PDE2A: variants seen among roughly 807,000 people sequenced by gnomAD.
The protein encoded by PDE2A is phosphodiesterase 2A.
In PDE2A, 53 loss-of-function variants were observed where a neutral mutation model predicts 133.6. The observed-to-expected ratio is 0.40, with a 90% CI of 0.32 to 0.50. PDE2A has a LOEUF of 0.50. Ranked by LOEUF, PDE2A falls within the 20% of genes least tolerant of loss-of-function variation. PDE2A has a pLI of 0.73. For missense variants in PDE2A, 796 were observed against 1,232.4 expected, an observed-to-expected ratio of 0.65 and a Z score of 5.30; for synonymous variants, 491 against 490.2, an observed-to-expected ratio of 1.00 and a Z score of -0.02.
chr11:72,640,016 C>A (rs980759066), intron 2 of PDE2A, among the ~76,000 whole-genome samples: 1 of 152,070 alleles, frequency 6.6e-6, no homozygotes, highest in South Asian at 2.1e-4. Context: ...GTCCTCAACA[C>A]CCCCAACACA....
chr11:72,608,145 C>T (rs2135359355), intron 3 of PDE2A, among the ~76,000 whole-genome samples: 1 of 152,250 alleles, frequency 6.6e-6, no homozygotes, highest in East Asian at 1.9e-4. Context: ...TGGGATGGGA[C>T]AGAAAGAAAG....
chr11:72,662,776 C>T (rs964021006), intron 1 of PDE2A, among the ~76,000 whole-genome samples: 9 of 152,194 alleles, frequency 5.9e-5, no homozygotes, highest in African/African-American at 2.2e-4. Flanking sequence ...AACCGCAATA[C>T]TGCCTCTCAC....
intron 1 of PDE2A, among the ~76,000 whole-genome samples, chr11:72,654,009 A>G (rs531369867): frequency 7.9e-5 from 12 of 152,324 alleles, no homozygotes; most frequent in Non-Finnish European, 2.9e-5. Context: ...CTAGTTGCCC[A>G]TGGGGGCTCA....
intron 3 of PDE2A, among the ~76,000 whole-genome samples, chr11:72,607,847 C>A (rs1472940456): frequency 6.6e-6 from 1 of 152,182 alleles, no homozygotes; most frequent in Admixed American, 6.5e-5. Flanking sequence ...GCATCTCCTC[C>A]TCCAGGAAGT....
At chr11:72,639,419 T>G (rs954924826) in intron 2 of PDE2A, among the ~76,000 whole-genome samples, 1 of 152,162 alleles carries the variant, frequency 6.6e-6, no homozygotes, top group South Asian at 2.1e-4. Flanking sequence ...CCCGCTGACA[T>G]GAGCCAGGAA....
At chr11:72,636,074 T>C in intron 2 of PDE2A, 1 of 1,262,040 alleles carries the variant, frequency 7.9e-7, no homozygotes, top group Non-Finnish European at 1.0e-6. Flanking sequence ...GCCAACTCCC[T>C]TAGGGTGGGA....
At position 72,576,645 on chromosome 11, in the gene PDE2A, C is replaced by G. The variant is rs899558665; in HGVS notation, c.*739G>C. ...TGTCTTACCCGCTCCCTGTTTGGCCCAGACAGGGGAAGAGACTCGCCCAGC... is the reference window on the plus strand; with the variant it reads ...TGTCTTACCCGCTCCCTGTTTGGCCGAGACAGGGGAAGAGACTCGCCCAGC... On this transcript the variant is annotated 3_prime_UTR_variant, in exon 31 of 31. Transcript: ENST00000334456. The G allele has an allele frequency of 5.3e-5, 9 of 169,562 alleles. No individual in the cohort carries two copies. Among genetic ancestry groups the G allele is most frequent in the African/African-American group, 2.2e-4 (9 of 41,642 alleles). 10.5% of individuals were successfully genotyped at this position (169,562 alleles called of 1,614,324 possible). A position where few individuals can be genotyped will look rare whatever the true frequency, so the allele number is the denominator to read the frequency against.
chr11:72,588,686 G>A, intron 13 of PDE2A, 98 bp downstream of exon 13: 2 of 1,184,074 alleles, frequency 1.7e-6, no homozygotes, highest in Admixed American at 2.3e-5. Flanking sequence ...TGAGACAGTA[G>A]CCCCTGCCCA....
chr11:72,666,745 C>T (rs1855243197), intron 1 of PDE2A, among the ~76,000 whole-genome samples: 2 of 152,202 alleles, frequency 1.3e-5, no homozygotes, highest in African/African-American at 4.8e-5. Context: ...TGGCACTCTA[C>T]ATACATGTAC....
At chr11:72,654,933 C>T (rs1481146044) in intron 1 of PDE2A, among the ~76,000 whole-genome samples, 2 of 152,192 alleles carry the variant, frequency 1.3e-5, no homozygotes, top group African/African-American at 4.8e-5. Context: ...AGCACCCACC[C>T]GAGACCTGCC....
chr11:72,591,977 G>C (rs1385992321), intron 6 of PDE2A, among the ~76,000 whole-genome samples: 2 of 152,192 alleles, frequency 1.3e-5, no homozygotes, highest in Non-Finnish European at 2.9e-5. Context: ...AAGTGGCAGA[G>C]TGAAGACAGC....
At chr11:72,621,263 G>C (rs1377283235) in intron 2 of PDE2A, among the ~76,000 whole-genome samples, 2 of 152,162 alleles carry the variant, frequency 1.3e-5, no homozygotes, top group East Asian at 3.9e-4. Context: ...CTCGCATCTG[G>C]GCACAGACAC....
intron 4 of PDE2A, among the ~76,000 whole-genome samples, chr11:72,602,330 T>C (rs1856788874): frequency 3.3e-5 from 5 of 152,118 alleles, no homozygotes; most frequent in Admixed American, 3.3e-4. Flanking sequence ...ACCCTGTCTC[T>C]CCCCACACTG....
At position 72,597,825 on chromosome 11, in the gene PDE2A, C is replaced by A. The variant is rs1379225819; in HGVS notation, c.324-206G>T. On this transcript the variant is annotated intron_variant, in intron 4 of 30. Transcript: ENST00000334456. This position sits in a 1 kb window ranked among gnomAD's most constrained non-coding sequence, Gnocchi z 4.6. ...GGAGAAACAGGCAGCCACAGTTTGG[C>A]CTCTGGTGCCCCTTGCTGGTAAAGG... Among the ~76,000 whole-genome samples, 1 of 152,200 alleles carries A rather than the reference C, an allele frequency of 6.6e-6. No individual in the cohort carries two copies. The highest frequency in any genetic ancestry group is 2.4e-5 in the African/African-American group (1 of 41,456).
At position 72,578,582 on chromosome 11, in the gene PDE2A, C is replaced by G; in HGVS notation, c.2470-68G>C. 7.4e-7 allele frequency: 1 copy of G among 1,349,454 alleles called. No homozygotes were observed. The highest frequency in any genetic ancestry group is 2.3e-5 in the East Asian group (1 of 43,652). The allele number at this position is 1,349,454 out of a possible 1,614,324, so 83.6% of individuals were successfully genotyped here. A position where few individuals can be genotyped will look rare whatever the true frequency, so the allele number is the denominator to read the frequency against. On this transcript the variant is annotated intron_variant, in intron 28 of 30. Transcript: ENST00000334456. This position sits in a 1 kb window ranked among gnomAD's most constrained non-coding sequence, Gnocchi z 4.2. ...ATCCACCCAAGCTCCTCTGACAGCC[C>G]GTTCCCAGGAGAGAAAACTGAGGCC...
chr11:72,625,124 C>T (rs938634291), intron 2 of PDE2A, among the ~76,000 whole-genome samples: 1 of 152,184 alleles, frequency 6.6e-6, no homozygotes, highest in African/African-American at 2.4e-5. Context: ...CAGGCCTGGC[C>T]TGTCTGGGAT....
chr11:72,593,722 G>T (rs1221232168), intron 6 of PDE2A, among the ~76,000 whole-genome samples: 1 of 152,052 alleles, frequency 6.6e-6, no homozygotes, highest in African/African-American at 2.4e-5. Flanking sequence ...TGCAATCAAG[G>T]TGCTTTGAGC....
intron 2 of PDE2A, among the ~76,000 whole-genome samples, chr11:72,629,708 C>T (rs1415276633): frequency 6.6e-6 from 1 of 152,222 alleles, no homozygotes; most frequent in Admixed American, 6.5e-5. Context: ...TCTTTCCCAT[C>T]TTACTCAGGG....
At position 72,624,028 on chromosome 11, in the gene PDE2A, G is replaced by A. The variant is rs545970040; in HGVS notation, c.145-15277C>T. On this transcript the variant is annotated intron_variant, in intron 2 of 30. Transcript: ENST00000334456. ...TTTTTTTTGAGATGGTATTTCACTCGTCACCCAGGCTGGAGTGCAATGGCT... is the reference window on the plus strand; with the variant it reads ...TTTTTTTTGAGATGGTATTTCACTCATCACCCAGGCTGGAGTGCAATGGCT... Among the ~76,000 whole-genome samples the A allele has an allele frequency of 1.8e-4, 27 of 147,336 alleles. No homozygotes were observed. In the East Asian group the frequency reaches 3.3e-3, roughly 18 times the overall value.
Sources: gnomAD v4.1 joint callset for allele counts (sites outside exome capture counted in the v4.1 genomes callset) on GRCh38, gnomAD v4.1.1 for gene constraint, Gnocchi (gnomAD v3.1) non-coding constraint, MANE v1.5 for transcripts, NCBI Gene and HGNC (gene_info 2026-07-23, HGNC 2026-07-21) for gene names.